The following FAM193A variants were observed in gnomAD, a reference collection of about 807,000 sequenced individuals.
FAM193A encodes the protein protein FAM193A.
FAM193A carries 22 observed loss-of-function variants against 126.5 expected under a neutral mutation model. That is an observed-to-expected ratio of 0.17 (90% CI 0.12 to 0.25). FAM193A has a LOEUF of 0.25. Among genes scored for constraint, FAM193A ranks in the 10% least tolerant of loss-of-function variants. FAM193A has a pLI of 1.00. For synonymous variants in FAM193A, 761 were observed against 646.8 expected, an observed-to-expected ratio of 1.18 and a Z score of -2.68; for missense variants, 1,675 against 1,672.8, an observed-to-expected ratio of 1.00 and a Z score of -0.02.
At chr4:2,620,836 C>CAAAAAAAAAAAAAAAAAAAAA (rs34305537) in intron 2 of FAM193A, among the ~76,000 whole-genome samples, 41 of 69,090 alleles carry the variant, frequency 5.9e-4, no homozygotes, top group Non-Finnish European at 6.8e-4. Context: ...AACTCCGTCT[C>CAAAAAAAAAAAAAAAAAAAAA]AAAAAAAAAA....
rs529154112 is a variant in FAM193A, at chr4:2,608,705, G to A, written c.501+12376G>A. ...TCGGGCCCAGAGGTAGCCCACTGAAGGAGAAATTCAGAGAAGAGAGGTGGG... is the reference window on the plus strand; with the variant it reads ...TCGGGCCCAGAGGTAGCCCACTGAAAGAGAAATTCAGAGAAGAGAGGTGGG... On this transcript the variant is annotated intron_variant, in intron 2 of 20. Transcript: ENST00000637812. 3.4e-3 allele frequency among the ~76,000 whole-genome samples: 524 copies of A among 152,202 alleles called. 3 individuals are homozygous for A. Among genetic ancestry groups the A allele is most frequent in the African/African-American group, 0.012 (508 of 41,534 alleles).
At chr4:2,549,089 C>T (rs2108815660) in intron 1 of FAM193A, among the ~76,000 whole-genome samples, 1 of 151,428 alleles carries the variant, frequency 6.6e-6, no homozygotes, top group Non-Finnish European at 1.5e-5. Context: ...CAGGCGTGTG[C>T]CATCATGCCT....
intron 13 of FAM193A, among the ~76,000 whole-genome samples, chr4:2,685,761 T>TG (rs1715664654): frequency 2.0e-5 from 3 of 152,070 alleles, no homozygotes; most frequent in African/African-American, 7.2e-5. Flanking sequence ...CATGTCCGAG[T>TG]GGGTGTGGGT....
At chr4:2,659,363 G>A (rs1252703758) in intron 8 of FAM193A, among the ~76,000 whole-genome samples, 195 bp from the exon 9 acceptor site, 1 of 152,156 alleles carries the variant, frequency 6.6e-6, no homozygotes, top group Non-Finnish European at 1.5e-5. Context: ...GGGTCTCCTG[G>A]TACCCGAGCC....
chr4:2,655,242 T>G lies in FAM193A; in HGVS notation c.1312-2561T>G, dbSNP rs1344232338. 8.3e-6 allele frequency: 4 copies of G among 481,954 alleles called. No homozygotes were observed. The Admixed American group carries it at 1.4e-4, about 16-fold the overall frequency. The allele number at this position is 481,954 out of a possible 1,614,324, so 29.9% of individuals were successfully genotyped here. On this transcript the variant is annotated intron_variant, in intron 7 of 20. Coordinates refer to ENST00000637812, the MANE Select transcript of FAM193A (RefSeq NM_001366318.2). ...TTGATTTAGGCTATCATTTAAAAAATAAAACAGGAAGATGTCAAAATTGAT... is the reference window on the plus strand; with the variant it reads ...TTGATTTAGGCTATCATTTAAAAAAGAAAACAGGAAGATGTCAAAATTGAT...
intron 1 of FAM193A, among the ~76,000 whole-genome samples, chr4:2,574,976 C>G (rs1186558404): frequency 5.9e-5 from 9 of 152,256 alleles, no homozygotes; most frequent in African/African-American, 1.9e-4. Context: ...CATCCCTCCC[C>G]TCTGTTGGCT....
intron 2 of FAM193A, among the ~76,000 whole-genome samples, chr4:2,605,109 G>C (rs1309512236): frequency 6.6e-6 from 1 of 151,854 alleles, no homozygotes; most frequent in African/African-American, 2.4e-5. Flanking sequence ...ATGCCCAGGC[G>C]AGAGTCTGCA....
chr4:2,618,535 C>T (rs1394866057), intron 2 of FAM193A, among the ~76,000 whole-genome samples: 2 of 150,928 alleles, frequency 1.3e-5, no homozygotes. Flanking sequence ...TCAAGTGATT[C>T]TCCTGCCTCA....
intron 1 of FAM193A, among the ~76,000 whole-genome samples, chr4:2,589,131 A>G (rs527504917): frequency 2.0e-5 from 3 of 152,246 alleles, no homozygotes; most frequent in Non-Finnish European, 4.4e-5. Flanking sequence ...CAAAACAAAT[A>G]GTAATTATAT....
chr4:2,643,719 C>T (rs16843181), intron 6 of FAM193A, among the ~76,000 whole-genome samples: 4,374 of 152,218 alleles, frequency 0.029, 224 homozygotes, highest in African/African-American at 0.099. Context: ...CCTGCGTGGG[C>T]GTGTTCACAG....
chr4:2,571,966 C>T (rs1278219478), intron 1 of FAM193A, among the ~76,000 whole-genome samples: 1 of 151,518 alleles, frequency 6.6e-6, no homozygotes, highest in Admixed American at 6.6e-5. Context: ...GAGATCAAGA[C>T]CAGCCTGGCC....
chr4:2,613,753 C>CTTT (rs71634683), intron 2 of FAM193A, among the ~76,000 whole-genome samples: 2 of 132,440 alleles, frequency 1.5e-5, no homozygotes, highest in South Asian at 4.7e-4. Flanking sequence ...CATACCTGGC[C>CTTT]TTTTTTTTTT....
At chr4:2,558,052 C>T (rs902793102) in intron 1 of FAM193A, among the ~76,000 whole-genome samples, 37 of 152,068 alleles carry the variant, frequency 2.4e-4, no homozygotes, top group Admixed American at 1.3e-4. Context: ...GTGGGTGGAT[C>T]AGTTGAGGCC....
intron 1 of FAM193A, among the ~76,000 whole-genome samples, chr4:2,556,429 C>T (rs757369404): frequency 2.6e-5 from 4 of 151,910 alleles, no homozygotes; most frequent in African/African-American, 7.3e-5. Flanking sequence ...TGGTCTTGAT[C>T]TCCTGACCTC....
chr4:2,707,903 G>T (rs1392283172), intron 19 of FAM193A, among the ~76,000 whole-genome samples: 1 of 151,698 alleles, frequency 6.6e-6, no homozygotes, highest in African/African-American at 2.4e-5. Context: ...TGCCGCACCA[G>T]CACACTCAAC....
At chr4:2,554,617 C>T (rs944952407) in intron 1 of FAM193A, among the ~76,000 whole-genome samples, 44 of 151,998 alleles carry the variant, frequency 2.9e-4, no homozygotes, top group Admixed American at 1.2e-3. Context: ...TTGTTCGCTT[C>T]TGTATTCTTG....
At chr4:2,712,698 G>A (rs78702895) in intron 19 of FAM193A, among the ~76,000 whole-genome samples, 4,630 of 152,194 alleles carry the variant, frequency 0.03, 112 homozygotes, top group Non-Finnish European at 0.043. Flanking sequence ...TAACTATGTG[G>A]TTGGTCTCAA....
chr4:2,622,880 T>C (rs558960063), intron 2 of FAM193A, among the ~76,000 whole-genome samples: 2 of 152,074 alleles, frequency 1.3e-5, no homozygotes, highest in African/African-American at 2.4e-5. Context: ...TTTCAACTTA[T>C]GAACGGGGGC....
intron 1 of FAM193A, among the ~76,000 whole-genome samples, chr4:2,586,677 A>T (rs1375969159): frequency 6.6e-6 from 1 of 152,196 alleles, no homozygotes; most frequent in African/African-American, 2.4e-5. Context: ...TGTTGAGAAC[A>T]GGGTCTTGCT....
Sources: allele counts gnomAD v4.1 joint callset (sites outside exome capture counted in the v4.1 genomes callset), GRCh38; gene constraint gnomAD v4.1.1; transcripts MANE v1.5; gene names NCBI Gene and HGNC (gene_info 2026-07-23, HGNC 2026-07-21).